Variants in SEC24B observed in about 807,000 individuals in gnomAD.
SEC24B encodes the protein protein transport protein Sec24B.
SEC24B carries 45 observed loss-of-function variants against 142.8 expected under a neutral mutation model. That is an observed-to-expected ratio of 0.32 (90% CI 0.25 to 0.40). The LOEUF is 0.40. Ranked by LOEUF, SEC24B falls within the 10% of genes least tolerant of loss-of-function variation. The probability of loss-of-function intolerance (pLI) is 1.00; values close to 1 mark genes in which losing one functional copy is unlikely to be tolerated. For synonymous variants in SEC24B, 574 were observed against 568.2 expected, an observed-to-expected ratio of 1.01 and a Z score of -0.15; for missense variants, 1,409 against 1,526.8, an observed-to-expected ratio of 0.92 and a Z score of 1.29.
At chr4:109,519,033 C>G (rs542042427) in intron 11 of SEC24B, among the ~76,000 whole-genome samples, 10 of 152,190 alleles carry the variant, frequency 6.6e-5, no homozygotes, top group African/African-American at 1.9e-4. Context: ...TCTCGAACTC[C>G]TGAGCTCAAG....
rs1326132379 is a variant in SEC24B, at chr4:109,521,631, T to G, written c.2508+5T>G. ...AATCAGAGATCAAGTACAAAGGTAT[T>G]TTATGTTTAGTTTTTTGTCATATTC... On this transcript the variant is annotated splice_donor_5th_base_variant and intron_variant, in intron 14 of 23. Transcript: ENST00000265175. The G allele has an allele frequency of 6.3e-7, 1 of 1,593,618 alleles. No individual in the cohort carries two copies. The highest frequency in any genetic ancestry group is 1.7e-5 in the Admixed American group (1 of 59,150).
chr4:109,490,870 T>C (rs931390977), intron 4 of SEC24B, among the ~76,000 whole-genome samples: 1 of 152,152 alleles, frequency 6.6e-6, no homozygotes, highest in African/African-American at 2.4e-5. Context: ...CACAGACTCC[T>C]CATTTATGAA....
chr4:109,527,478 A>G (rs1724375230), intron 18 of SEC24B, 46 bp downstream of exon 18: 1 of 1,420,454 alleles, frequency 7.0e-7, no homozygotes, highest in African/African-American at 1.4e-5. Flanking sequence ...TTTCTATCTT[A>G]AAAACTGAAG....
chr4:109,457,390 A>G (rs886244504), intron 1 of SEC24B, among the ~76,000 whole-genome samples: 1 of 152,164 alleles, frequency 6.6e-6, no homozygotes, highest in Non-Finnish European at 1.5e-5. Context: ...ACTTCTCACA[A>G]TTCTGGAGGC....
At chr4:109,495,903 G>A (rs1371844207) in intron 6 of SEC24B, among the ~76,000 whole-genome samples, 1 of 151,984 alleles carries the variant, frequency 6.6e-6, no homozygotes, top group Non-Finnish European at 1.5e-5. Context: ...GCCTTACTGA[G>A]GATTCCCATA....
intron 2 of SEC24B, among the ~76,000 whole-genome samples, chr4:109,472,151 T>C (rs952820125): frequency 2.6e-5 from 4 of 152,140 alleles, no homozygotes; most frequent in Admixed American, 1.3e-4. Context: ...AGAACTAAGG[T>C]TGTTTACATA....
In SEC24B at chr4:109,532,704, G is replaced by C; in HGVS notation, c.3456G>C (p.Lys1152Asn). 1 of 1,611,176 alleles carries C rather than the reference G, an allele frequency of 6.2e-7. No homozygotes were observed. The highest frequency in any genetic ancestry group is 8.5e-7 in the Non-Finnish European group (1 of 1,177,296). ...CTCTTCAAAAATTGTCTGCAGAGAAGCTGACAAGAGAAGGTGCTTTCCTTA... is the reference window on the plus strand; with the variant it reads ...CTCTTCAAAAATTGTCTGCAGAGAACCTGACAAGAGAAGGTGCTTTCCTTA... Reference protein sequence around the residue: ...QPPLQKLSAEKLTREGAFLMD... With the variant: ...QPPLQKLSAENLTREGAFLMD... Residue 1152 changes from lysine (K) to asparagine (N), a missense_variant, in exon 21 of 24, where the codon AAG becomes AAC. Lys to Asn is a moderately conservative substitution (Grantham distance 94, BLOSUM62 0). Transcript: ENST00000265175.
intron 1 of SEC24B, among the ~76,000 whole-genome samples, chr4:109,436,012 G>A (rs186703121): frequency 3.2e-4 from 49 of 152,296 alleles, no homozygotes; most frequent in African/African-American, 1.1e-3. Context: ...GGTGGCATGG[G>A]AAGCCAAGGC....
chr4:109,514,418 G>C (rs890198221), intron 10 of SEC24B, among the ~76,000 whole-genome samples: 1 of 152,120 alleles, frequency 6.6e-6, no homozygotes, highest in Non-Finnish European at 1.5e-5. Flanking sequence ...AACTGTATTG[G>C]CTGGGTGTGG....
At position 109,493,960 on chromosome 4, in the gene SEC24B, G is replaced by T. The variant is rs143188054; in HGVS notation, c.1247-655G>T. 4.1e-4 allele frequency among the ~76,000 whole-genome samples: 63 copies of T among 152,266 alleles called. 1 individual carries two copies. The highest frequency in any genetic ancestry group is 3.5e-3 in the South Asian group (17 of 4,826). ...CTGCAAATAATGCATATTTTTAGGG[G>T]ATTATGGAAACATGCTACTCCTTCC... On this transcript the variant is annotated intron_variant, in intron 5 of 23. Transcript: ENST00000265175.
At chr4:109,523,418 T>C (rs1723874353) in intron 14 of SEC24B, among the ~76,000 whole-genome samples, 1 of 151,666 alleles carries the variant, frequency 6.6e-6, no homozygotes, top group South Asian at 2.1e-4. Context: ...TGCAGCGAGC[T>C]GTGATCACTG....
At chr4:109,531,607 A>C in intron 20 of SEC24B, 85 bp downstream of exon 20, 1 of 1,029,500 alleles carries the variant, frequency 9.7e-7, no homozygotes. Flanking sequence ...ATATACTATC[A>C]ACTGGTTTTT....
intron 11 of SEC24B, among the ~76,000 whole-genome samples, chr4:109,518,903 C>T (rs1415057040): frequency 6.6e-6 from 1 of 150,542 alleles, no homozygotes; most frequent in Non-Finnish European, 1.5e-5. Flanking sequence ...ACCTCCCAGG[C>T]TCAAGTGATC....
intron 10 of SEC24B, among the ~76,000 whole-genome samples, 185 bp from the exon 11 acceptor site, chr4:109,516,343 A>G (rs901915943): frequency 1.3e-5 from 2 of 152,214 alleles, no homozygotes; most frequent in African/African-American, 4.8e-5. Flanking sequence ...TGCTTAGTCC[A>G]CAACCAACTA....
At chr4:109,453,154 C>T (rs1474868656) in intron 1 of SEC24B, among the ~76,000 whole-genome samples, 3 of 152,046 alleles carry the variant, frequency 2.0e-5, no homozygotes, top group Non-Finnish European at 2.9e-5. Context: ...CACAGAGATC[C>T]CATGCTTTAA....
intron 4 of SEC24B, among the ~76,000 whole-genome samples, chr4:109,486,251 T>C (rs1353717052): frequency 6.6e-6 from 1 of 152,148 alleles, no homozygotes; most frequent in Non-Finnish European, 1.5e-5. Flanking sequence ...CCCTCAACTG[T>C]TAGGGAGTGG....
In SEC24B at chr4:109,477,124, G is replaced by A. The variant is rs953533337; in HGVS notation, c.1060+3938G>A. 4.5e-5 allele frequency among the ~76,000 whole-genome samples: 6 copies of A among 133,036 alleles called. No individual in the cohort carries two copies. In the East Asian group the frequency reaches 8.7e-4, roughly 19 times the overall value. 87.3% of individuals were successfully genotyped at this position (133,036 alleles called of 152,430 possible). ...TGCACTCCAGCCTGGGCGACAGAGC[G>A]AGACTCCGTCTCAAATAAAAAAAAA... is the stretch of plus-strand genomic sequence containing the variant. On this transcript the variant is annotated intron_variant, in intron 3 of 23. Coordinates refer to ENST00000265175, the MANE Select transcript of SEC24B (RefSeq NM_006323.5).
At chr4:109,440,262 G>A (rs2125891569) in intron 1 of SEC24B, among the ~76,000 whole-genome samples, 1 of 152,170 alleles carries the variant, frequency 6.6e-6, no homozygotes, top group Non-Finnish European at 1.5e-5. Context: ...CTCCCCCCAA[G>A]TTTCTGGGAT....
intron 23 of SEC24B, among the ~76,000 whole-genome samples, chr4:109,538,873 C>G (rs1316178103): frequency 6.6e-6 from 1 of 152,164 alleles, no homozygotes; most frequent in Non-Finnish European, 1.5e-5. Flanking sequence ...CAGCCTGGAC[C>G]TCCCATGCTC....
Sources: allele counts gnomAD v4.1 joint callset (sites outside exome capture counted in the v4.1 genomes callset), GRCh38; gene constraint gnomAD v4.1.1; transcripts MANE v1.5; gene names NCBI Gene and HGNC (gene_info 2026-07-23, HGNC 2026-07-21).